SMTN: variants seen among roughly 807,000 people sequenced by gnomAD.
SMTN encodes smoothelin.
SMTN carries 58 observed loss-of-function variants against 102.0 expected under a neutral mutation model. The ratio of observed to expected loss-of-function variants is 0.57; its 90% CI spans 0.46 to 0.71. The LOEUF (loss-of-function observed/expected upper bound fraction) is 0.71. SMTN is among the 30% of genes least tolerant of loss of function. SMTN has a pLI of 0.00. For missense variants in SMTN, 1,185 were observed against 1,241.7 expected (o/e 0.95, Z 0.69); for synonymous variants, 478 against 497.9 (o/e 0.96, Z 0.53).
At chr22:31,097,485 C>T (rs1418115446) in intron 16 of SMTN, 147 bp downstream of exon 16, 7 of 683,346 alleles carry the variant, frequency 1.0e-5, no homozygotes, top group Admixed American at 2.1e-5. Context: ...GGGCGGATCA[C>T]TTGAGGTCAG....
chr22:31,090,355 C>T (rs1436167698), intron 8 of SMTN, among the ~76,000 whole-genome samples, 175 bp downstream of exon 8: 2 of 151,298 alleles, frequency 1.3e-5, no homozygotes, highest in African/African-American at 4.9e-5. Context: ...AGGCCAGCCT[C>T]CCCCTCCACC....
chr22:31,072,199 C>T (rs2042021274), intron 1 of SMTN, among the ~76,000 whole-genome samples: 1 of 152,190 alleles, frequency 6.6e-6, no homozygotes, highest in African/African-American at 2.4e-5. Flanking sequence ...CCATCCCATG[C>T]AAGCTCCGTG....
chr22:31,091,344 GGT>G lies in SMTN; in HGVS notation c.1323_1324del (p.Ala442ProfsTer61). The G allele has an allele frequency of 6.2e-7, 1 of 1,606,742 alleles. No individual in the cohort carries two copies. Among genetic ancestry groups the G allele is most frequent in the East Asian group, 2.2e-5 (1 of 44,850 alleles). Reference protein sequence around the residue: ...GGPVARSEEPGAPLPVAVGTA... With the variant: ...GGPVARSEEPXAPLPVAVGTA... The stretch of plus-strand genomic sequence containing the variant: ...GCCTGTGGCACGTTCAGAGGAGCCT[GGT>G]GCCCCGCTGCCCGTGGCCGTCGGCA... On this transcript the variant is annotated frameshift_variant, in exon 10 of 21. Transcript: ENST00000333137. LOFTEE classifies it high-confidence loss of function.
chr22:31,098,582 A>AC (rs33991833), intron 16 of SMTN, 85 bp from the exon 17 acceptor site: 861,412 of 1,295,844 alleles, frequency 0.66, 294,718 homozygotes, highest in African/African-American at 0.88. Flanking sequence ...GTGCTACAAG[A>AC]CCCCCCCTCC....
Position 31,098,668 on chromosome 22 carries a change from A to G in SMTN, c.2161A>G (p.Ile721Val). 1.9e-6 allele frequency: 3 copies of G among 1,613,140 alleles called. No individual in the cohort carries two copies. The highest frequency in any genetic ancestry group is 2.5e-6 in the Non-Finnish European group (3 of 1,179,742). ...AACATGCGCCTCCCCAACCCCTAGC[A>G]TCTTCGACCGCGAGGACCAGGCCAG... ...SSSSSKKMGS[I>V]FDREDQASPR... Residue 721 changes from isoleucine (I) to valine (V), a missense_variant and splice_region_variant, in exon 17 of 21, where the codon ATC becomes GTC. Transcript: ENST00000333137.
At chr22:31,082,981 G>A (rs1281497880) in intron 1 of SMTN, 198 bp from the exon 2 acceptor site, 1 of 1,444,538 alleles carries the variant, frequency 6.9e-7, no homozygotes. Flanking sequence ...GCTGGAACCA[G>A]AGACCCCCTA....
At chr22:31,085,947 C>G (rs145486642) in intron 2 of SMTN, among the ~76,000 whole-genome samples, 2 of 152,214 alleles carry the variant, frequency 1.3e-5, no homozygotes, top group Non-Finnish European at 2.9e-5. Context: ...ACCCCATCTC[C>G]GAGCCCAGAG....
intron 1 of SMTN, among the ~76,000 whole-genome samples, chr22:31,071,407 AG>A (rs1248837926): frequency 6.6e-6 from 1 of 152,074 alleles, no homozygotes; most frequent in Non-Finnish European, 1.5e-5. Flanking sequence ...CTGAGGCAGG[AG>A]GATTGCTTGA....
chr22:31,102,031 C>T (rs2044136066), intron 20 of SMTN: 1 of 151,814 alleles, frequency 6.6e-6, no homozygotes, highest in Admixed American at 6.6e-5. Flanking sequence ...TGTGTGGGCA[C>T]TGGGGAGTTG....
At chr22:31,096,598 C>T (rs2043593935) in intron 13 of SMTN, 135 bp from the exon 14 acceptor site, 1 of 885,986 alleles carries the variant, frequency 1.1e-6, no homozygotes, top group Admixed American at 3.3e-5. Flanking sequence ...CCTAGAGAGG[C>T]CCTTGTTACC....
At chr22:31,097,841 A>C (rs1164410543) in intron 16 of SMTN, among the ~76,000 whole-genome samples, 7 of 152,082 alleles carry the variant, frequency 4.6e-5, no homozygotes, top group Non-Finnish European at 7.4e-5. Context: ...TCTCCTTGGG[A>C]TCTCATTTTA....
At chr22:31,087,142 G>A (rs11703987) in intron 2 of SMTN, 4,691 of 152,386 alleles carry the variant, frequency 0.031, 109 homozygotes, top group Middle Eastern at 0.092. Flanking sequence ...GTAGCAGGTG[G>A]CTCTACATGG....
intron 1 of SMTN, 49 bp downstream of exon 1, chr22:31,081,505 CG>C: frequency 1.3e-5 from 2 of 152,560 alleles, no homozygotes; most frequent in Non-Finnish European, 2.9e-5. Flanking sequence ...CCAACGTGTC[CG>C]GGGGTGGAAC....
At chr22:31,064,409 A>G (rs2041793872) in intron 1 of SMTN, 1 of 152,224 alleles carries the variant, frequency 6.6e-6, no homozygotes, top group South Asian at 2.1e-4. Context: ...GCCACCTCAC[A>G]TTAGAAAAGA....
chr22:31,085,140 T>A, intron 2 of SMTN: 1 of 1,535,450 alleles, frequency 6.5e-7, no homozygotes, highest in South Asian at 1.2e-5. Flanking sequence ...CGGGACGCCC[T>A]CTGCCTCGGT....
intron 6 of SMTN, 41 bp downstream of exon 6, chr22:31,089,010 G>A: frequency 2.6e-6 from 4 of 1,516,980 alleles, no homozygotes; most frequent in Non-Finnish European, 2.7e-6. Flanking sequence ...CTGTGCCCAT[G>A]GATACCGGTA....
In SMTN at chr22:31,099,877, G is replaced by A. The variant is rs747689762; in HGVS notation, c.2584G>A (p.Val862Met). 1.9e-6 allele frequency: 3 copies of A among 1,613,890 alleles called. No individual in the cohort carries two copies. Among genetic ancestry groups the A allele is most frequent in the Non-Finnish European group, 2.5e-6 (3 of 1,179,914 alleles). The change falls in exon 19 of 21, where the codon GTG becomes ATG. Residue 862 changes from valine to methionine, a missense_variant. Physicochemically the swap from Val to Met is conservative, Grantham distance 21 (BLOSUM62 1). Transcript: ENST00000333137. ...SPQNRRQNFE[V>M]AFSSAETHAD... Reference sequence around the variant, plus strand: ...TCAGAACCGACGCCAGAACTTCGAGGTGGCCTTCTCATCTGCGGAGTAAGT... The same window carrying A: ...TCAGAACCGACGCCAGAACTTCGAGATGGCCTTCTCATCTGCGGAGTAAGT...
chr22:31,085,068 C>T (rs948770884), intron 2 of SMTN: 2 of 1,532,556 alleles, frequency 1.3e-6, no homozygotes, highest in Middle Eastern at 1.9e-4. Flanking sequence ...AGGATTGGGC[C>T]GGGGATGGGA....
At position 31,088,125 on chromosome 22, in the gene SMTN, G is replaced by C. The variant is rs770837449; in HGVS notation, c.200+12G>C. On this transcript the variant is annotated intron_variant, in intron 3 of 20. Transcript: ENST00000333137. ...GAGAACTGGCTGCAGTGAGTAGCGGGGGGTGGAACATGCGGGTGAGAAGGT... is the reference window on the plus strand; with the variant it reads ...GAGAACTGGCTGCAGTGAGTAGCGGCGGGTGGAACATGCGGGTGAGAAGGT... The C allele has an allele frequency of 1.9e-6, 3 of 1,584,112 alleles. No homozygotes were observed. Among genetic ancestry groups the C allele is most frequent in the Non-Finnish European group, 2.6e-6 (3 of 1,160,020 alleles).
Sources: allele counts gnomAD v4.1 joint callset (sites outside exome capture counted in the v4.1 genomes callset), GRCh38; gene constraint gnomAD v4.1.1; transcripts MANE v1.5; gene names NCBI Gene and HGNC (gene_info 2026-07-23, HGNC 2026-07-21).